TRAK1: variants seen among roughly 807,000 people sequenced by gnomAD.
TRAK1 encodes the protein trafficking kinesin-binding protein 1.
In TRAK1, 33 loss-of-function variants were observed where a neutral mutation model predicts 92.1. The observed-to-expected ratio is 0.36, with a 90% confidence interval of 0.27 to 0.48. The LOEUF is 0.48. Among genes scored for constraint, TRAK1 ranks in the 20% least tolerant of loss-of-function variants. The pLI is 0.99. For missense variants in TRAK1, 1,123 were observed against 1,257.9 expected, an observed-to-expected ratio of 0.89 and a Z score of 1.62; for synonymous variants, 521 against 517.3, an observed-to-expected ratio of 1.01 and a Z score of -0.10.
intron 1 of TRAK1, among the ~76,000 whole-genome samples, chr3:42,102,399 C>G (rs1175834600): frequency 6.6e-6 from 1 of 152,230 alleles, no homozygotes; most frequent in Non-Finnish European, 1.5e-5. Flanking sequence ...GCAATTTAAT[C>G]TTTCTCATGG....
intron 1 of TRAK1, among the ~76,000 whole-genome samples, chr3:42,031,887 C>G (rs1267396825): frequency 6.6e-6 from 1 of 152,106 alleles, no homozygotes; most frequent in Non-Finnish European, 1.5e-5. Context: ...AACAGCTGAT[C>G]CAAGGCTCAT....
chr3:42,016,236 G>A (rs567618116), intron 1 of TRAK1, among the ~76,000 whole-genome samples: 17 of 151,174 alleles, frequency 1.1e-4, no homozygotes, highest in African/African-American at 2.2e-4. Context: ...TCAGAGTGTC[G>A]CTCTGTCATC....
At chr3:42,160,484 T>A in intron 2 of TRAK1, 1 of 1,613,602 alleles carries the variant, frequency 6.2e-7, no homozygotes, top group Non-Finnish European at 8.5e-7. Flanking sequence ...GTAAATTCTG[T>A]ACTTGGCTCA....
intron 1 of TRAK1, among the ~76,000 whole-genome samples, chr3:42,035,218 G>C (rs1702283694): frequency 6.6e-6 from 1 of 152,004 alleles, no homozygotes; most frequent in Non-Finnish European, 1.5e-5. Context: ...GTTTCCCTTG[G>C]CTTCTGGGAA....
chr3:42,036,820 G>A (rs986839514), intron 1 of TRAK1, among the ~76,000 whole-genome samples: 1 of 152,294 alleles, frequency 6.6e-6, no homozygotes, highest in African/African-American at 2.4e-5. Flanking sequence ...TGCAATCATA[G>A]CTCACTGTAG....
intron 2 of TRAK1, among the ~76,000 whole-genome samples, chr3:42,156,891 C>A (rs1215248494): frequency 1.3e-5 from 2 of 152,194 alleles, no homozygotes; most frequent in East Asian, 3.9e-4. Context: ...GGCTCATGCC[C>A]GTTCATAATC....
intron 10 of TRAK1, 41 bp downstream of exon 10, chr3:42,194,982 T>G (rs750115378): frequency 6.2e-6 from 10 of 1,608,358 alleles, no homozygotes; most frequent in Non-Finnish European, 8.5e-6. Flanking sequence ...CAGGAGGGGT[T>G]CTGGTGACAG....
chr3:42,033,109 T>A (rs1702210682), intron 1 of TRAK1, among the ~76,000 whole-genome samples: 1 of 152,206 alleles, frequency 6.6e-6, no homozygotes, highest in Non-Finnish European at 1.5e-5. Context: ...TTTAATGGGC[T>A]CTGGGTAATT....
intron 7 of TRAK1, among the ~76,000 whole-genome samples, chr3:42,192,416 G>GTATTTTGCATTTCGTCAAAA (rs1705918885): frequency 1.6e-4 from 3 of 18,362 alleles, no homozygotes; most frequent in African/African-American, 5.0e-4. Flanking sequence ...TTTCGTCAAA[G>GTATTTTGCATTTCGTCAAAA]TACTAAGTAT....
intron 2 of TRAK1, among the ~76,000 whole-genome samples, chr3:42,152,113 C>T (rs969048464): frequency 2.0e-5 from 3 of 152,306 alleles, no homozygotes; most frequent in African/African-American, 7.2e-5. Context: ...GTTAGGAGAA[C>T]TTTATTCAGT....
At chr3:42,180,544 G>A (rs538910926) in intron 3 of TRAK1, among the ~76,000 whole-genome samples, 69 of 152,174 alleles carry the variant, frequency 4.5e-4, no homozygotes, top group African/African-American at 1.6e-3. Flanking sequence ...GATAGGCATG[G>A]TGGTGCATGC....
chr3:42,064,370 TA>T (rs200782162), intron 1 of TRAK1, among the ~76,000 whole-genome samples: 12 of 149,218 alleles, frequency 8.0e-5, no homozygotes, highest in Admixed American at 2.0e-4. Context: ...GGATACAAAT[TA>T]AAAAAAAAAA....
chr3:42,108,413 C>T (rs1179661479), intron 1 of TRAK1, among the ~76,000 whole-genome samples: 1 of 150,708 alleles, frequency 6.6e-6, no homozygotes, highest in Non-Finnish European at 1.5e-5. Flanking sequence ...ATCATCTGAG[C>T]CCAGGAAGTT....
At chr3:42,115,164 G>A (rs910442679) in intron 1 of TRAK1, among the ~76,000 whole-genome samples, 15 of 152,112 alleles carry the variant, frequency 9.9e-5, no homozygotes, top group Non-Finnish European at 1.6e-4. Context: ...ACTTATACAC[G>A]TTAACTTTCA....
At chr3:42,167,751 G>A (rs1250606263) in intron 2 of TRAK1, among the ~76,000 whole-genome samples, 3 of 152,120 alleles carry the variant, frequency 2.0e-5, no homozygotes, top group African/African-American at 4.8e-5. Flanking sequence ...GTGGTGGTGG[G>A]CACCTGTGGT....
intron 1 of TRAK1, among the ~76,000 whole-genome samples, chr3:42,028,945 A>C (rs1297811035): frequency 6.6e-6 from 1 of 152,148 alleles, no homozygotes; most frequent in African/African-American, 2.4e-5. Context: ...TACAAAGAAA[A>C]GGTTTGATTG....
chr3:42,054,904 ATTTTTTTTTTTTTTTTTTT>A (rs1157067369), intron 1 of TRAK1, among the ~76,000 whole-genome samples: 10 of 37,094 alleles, frequency 2.7e-4, no homozygotes, highest in Admixed American at 2.1e-3. Flanking sequence ...AGCAAACTAG[ATTTTTTTTTTTTTTTTTTT>A]TTTTTTTTTT....
At chr3:42,180,354 T>C (rs1703829338) in intron 3 of TRAK1, among the ~76,000 whole-genome samples, 1 of 152,160 alleles carries the variant, frequency 6.6e-6, no homozygotes, top group South Asian at 2.1e-4. Flanking sequence ...GGTATCAGGC[T>C]GAGCAACGTG....
intron 1 of TRAK1, among the ~76,000 whole-genome samples, chr3:42,107,961 C>T (rs760934454): frequency 1.7e-4 from 26 of 151,604 alleles, no homozygotes; most frequent in African/African-American, 2.9e-4. Flanking sequence ...AAGAAGGCTG[C>T]GGAAGCTCCA....
Sources: gnomAD v4.1 joint callset for allele counts (sites outside exome capture counted in the v4.1 genomes callset) on GRCh38, gnomAD v4.1.1 for gene constraint, MANE v1.5 for transcripts, NCBI Gene and HGNC (gene_info 2026-07-23, HGNC 2026-07-21) for gene names.